Variants in POU6F2 observed in about 807,000 individuals in gnomAD.
The protein encoded by POU6F2 is POU class 6 homeobox 2.
POU6F2 carries 31 observed loss-of-function variants against 71.3 expected under a neutral mutation model. That is an observed-to-expected ratio of 0.43 (90% CI 0.33 to 0.59). The LOEUF (loss-of-function observed/expected upper bound fraction) is 0.59. Ranked by LOEUF, POU6F2 falls within the 20% of genes least tolerant of loss-of-function variation. The pLI is 0.04. For missense variants in POU6F2, 783 were observed against 856.8 expected (o/e 0.91, Z 1.07); for synonymous variants, 347 against 355.7 (o/e 0.98, Z 0.27).
At position 39,454,174 on chromosome 7, in the gene POU6F2, C is replaced by G. The variant is rs539691359; in HGVS notation, c.1489+2473C>G. 7.9e-5 allele frequency among the ~76,000 whole-genome samples: 12 copies of G among 152,182 alleles called. No individual in the cohort carries two copies. In the Middle Eastern group the frequency reaches 0.01, roughly 129 times the overall value. ...AGATGAACAGCTAGATGAAGAGGTA[C>G]GCAGGGCAAGGTCTGGAAGGATTCC... On this transcript the variant is annotated intron_variant, in intron 8 of 9. Coordinates refer to ENST00000518318, the MANE Select transcript of POU6F2 (RefSeq NM_001370959.1).
rs73365578 is a variant in POU6F2, at chr7:39,176,504, C to G, written c.278-27731C>G. On this transcript the variant is annotated intron_variant, in intron 2 of 9. Coordinates refer to ENST00000518318, the MANE Select transcript of POU6F2 (RefSeq NM_001370959.1). ...ATCTGATGAATTCCCATTTGCTCCA[C>G]AGGTTGGACCAATGAGGCAACACTA... Among the ~76,000 whole-genome samples the G allele has an allele frequency of 7.7e-3, 1,168 of 152,270 alleles. 13 individuals carry two copies. The highest frequency in any genetic ancestry group is 0.027 in the African/African-American group (1,121 of 41,538).
In POU6F2 at chr7:39,155,708, T is replaced by G. The variant is rs140117050; in HGVS notation, c.278-48527T>G. ...AATAAAAGGCAAACATCCAATTTTA[T>G]AATTTACATTATAATTCAGTGGTCT... On this transcript the variant is annotated intron_variant, in intron 2 of 9. Coordinates refer to ENST00000518318, the MANE Select transcript of POU6F2 (RefSeq NM_001370959.1). 2.1e-3 allele frequency among the ~76,000 whole-genome samples: 320 copies of G among 152,344 alleles called. 1 individual carries two copies. The highest frequency in any genetic ancestry group is 7.2e-3 in the African/African-American group (300 of 41,590).
chr7:39,027,774 C>T (rs140035935), intron 1 of POU6F2, among the ~76,000 whole-genome samples: 200 of 152,302 alleles, frequency 1.3e-3, no homozygotes, highest in African/African-American at 4.7e-3. Context: ...ATGTGCAGTT[C>T]TCTGAAATAT....
At chr7:39,004,003 T>C (rs1269396032) in intron 1 of POU6F2, among the ~76,000 whole-genome samples, 1 of 152,170 alleles carries the variant, frequency 6.6e-6, no homozygotes, top group Non-Finnish European at 1.5e-5. Flanking sequence ...TTTTTAACTT[T>C]TCAATGAATA....
At chr7:39,002,510 G>A (rs1788943559) in intron 1 of POU6F2, among the ~76,000 whole-genome samples, 1 of 152,170 alleles carries the variant, frequency 6.6e-6, no homozygotes, top group Non-Finnish European at 1.5e-5. Context: ...GCTATGCCTG[G>A]CTAATTTTTA....
chr7:39,433,338 TCTC>T, intron 7 of POU6F2, 55 bp downstream of exon 7: 25 of 1,588,394 alleles, frequency 1.6e-5, no homozygotes, highest in Non-Finnish European at 2.0e-5. Context: ...TTACCCAGCT[TCTC>T]CTCTTTGGTC....
At chr7:39,010,920 T>C (rs1194422369) in intron 1 of POU6F2, among the ~76,000 whole-genome samples, 1 of 151,836 alleles carries the variant, frequency 6.6e-6, no homozygotes, top group Non-Finnish European at 1.5e-5. Context: ...CTTTTACATT[T>C]GCTGAGGAGA....
chr7:39,367,730 T>G (rs1228563881), intron 5 of POU6F2, among the ~76,000 whole-genome samples: 1 of 152,200 alleles, frequency 6.6e-6, no homozygotes, highest in East Asian at 1.9e-4. Flanking sequence ...GTGGCAACCC[T>G]GCATCTAGCA....
chr7:39,098,580 C>T (rs1791504479), intron 2 of POU6F2, among the ~76,000 whole-genome samples: 1 of 152,140 alleles, frequency 6.6e-6, no homozygotes, highest in Non-Finnish European at 1.5e-5. Context: ...TGCACCTGGC[C>T]ATTGTCTTAT....
chr7:39,126,827 A>T (rs2128728653), intron 2 of POU6F2, among the ~76,000 whole-genome samples: 1 of 152,370 alleles, frequency 6.6e-6, no homozygotes, highest in Admixed American at 6.5e-5. Flanking sequence ...CTTATCTGCA[A>T]GGTGGCTTAT....
intron 4 of POU6F2, among the ~76,000 whole-genome samples, chr7:39,285,350 G>T (rs548367264): frequency 2.0e-5 from 3 of 152,158 alleles, no homozygotes; most frequent in Non-Finnish European, 4.4e-5. Flanking sequence ...CATAAAACCT[G>T]TAGGATGTAT....
At chr7:39,081,884 G>A (rs753541661) in intron 1 of POU6F2, among the ~76,000 whole-genome samples, 5 of 152,192 alleles carry the variant, frequency 3.3e-5, no homozygotes, top group Non-Finnish European at 5.9e-5. Context: ...GGTAAAAAAG[G>A]TGCTGACTTT....
intron 5 of POU6F2, among the ~76,000 whole-genome samples, chr7:39,361,586 T>C (rs1225244086): frequency 1.3e-5 from 2 of 152,250 alleles, no homozygotes; most frequent in African/African-American, 2.4e-5. Context: ...TGCTGGAAAT[T>C]ATTATTTAAC....
chr7:39,012,848 G>A (rs1422413055), intron 1 of POU6F2, among the ~76,000 whole-genome samples: 2 of 152,032 alleles, frequency 1.3e-5, no homozygotes, highest in Non-Finnish European at 2.9e-5. Context: ...GGGGTCAGGG[G>A]TCAGGGACCC....
chr7:39,042,554 A>G (rs575335650), intron 1 of POU6F2, among the ~76,000 whole-genome samples: 2 of 152,020 alleles, frequency 1.3e-5, no homozygotes, highest in Non-Finnish European at 2.9e-5. Flanking sequence ...TAGCATGAAC[A>G]AGAAAAAAAT....
chr7:39,128,940 T>C (rs985838382), intron 2 of POU6F2, among the ~76,000 whole-genome samples: 3 of 152,174 alleles, frequency 2.0e-5, no homozygotes, highest in Non-Finnish European at 4.4e-5. Flanking sequence ...AGCATCCTTA[T>C]TTAGTAAAAG....
At chr7:39,339,210 A>G (rs1785855214) in intron 4 of POU6F2, among the ~76,000 whole-genome samples, 1 of 152,208 alleles carries the variant, frequency 6.6e-6, no homozygotes, top group African/African-American at 2.4e-5. Context: ...AATTGCAAAC[A>G]ATTGGTTTTT....
At chr7:39,184,354 G>A (rs1422023209) in intron 2 of POU6F2, among the ~76,000 whole-genome samples, 1 of 152,140 alleles carries the variant, frequency 6.6e-6, no homozygotes, top group Non-Finnish European at 1.5e-5. Flanking sequence ...CTTTTTGAGT[G>A]AGCTCAACAA....
Position 39,339,671 on chromosome 7 carries a change from C to A in POU6F2, c.628C>A (p.Gln210Lys). The A allele has an allele frequency of 1.3e-6, 2 of 1,597,312 alleles. No individual in the cohort carries two copies. The highest frequency in any genetic ancestry group is 8.5e-7 in the Non-Finnish European group (1 of 1,175,862). ...ATSSLNSQLQ[Q>K]LQLQLQQQQQ... ...CTCATCCCTGAACTCCCAGCTCCAG[C>A]AGCTCCAGCTCCAGCTCCAGCAGCA... Residue 210 changes from glutamine to lysine, a missense_variant, in exon 5 of 10, where the codon CAG (glutamine) becomes AAG (lysine). Gln to Lys is a moderately conservative substitution (Grantham distance 53). Around this residue, in one of 2 missense-constraint regions of POU6F2, gnomAD observed 572 missense variants for 572.9 expected, o/e 1.00. Coordinates refer to ENST00000518318, the MANE Select transcript of POU6F2 (RefSeq NM_001370959.1).
Sources: allele counts gnomAD v4.1 joint callset (sites outside exome capture counted in the v4.1 genomes callset), GRCh38; gene constraint gnomAD v4.1.1; regional missense constraint gnomAD v4.1.1; transcripts MANE v1.5; gene names NCBI Gene and HGNC (gene_info 2026-07-23, HGNC 2026-07-21).